NXPH1: variants seen among roughly 807,000 people sequenced by gnomAD.
NXPH1 encodes neurexophilin 1, also known as neurexophilin-1.
In NXPH1, 5 loss-of-function variants were observed where a neutral mutation model predicts 23.7. The observed-to-expected ratio is 0.21, with a 90% CI of 0.11 to 0.44. The LOEUF (loss-of-function observed/expected upper bound fraction) is 0.44. NXPH1 is among the 20% of genes least tolerant of loss of function. The pLI, the probability that NXPH1 is intolerant of heterozygous loss-of-function variation, is 0.99. For missense variants in NXPH1, 324 were observed against 321.6 expected, an observed-to-expected ratio of 1.01 and a Z score of -0.06; for synonymous variants, 144 against 122.2, an observed-to-expected ratio of 1.18 and a Z score of -1.18.
At chr7:8,484,040 A>G (rs1817118674) in intron 2 of NXPH1, among the ~76,000 whole-genome samples, 1 of 147,524 alleles carries the variant, frequency 6.8e-6, no homozygotes, top group Non-Finnish European at 1.5e-5. Context: ...CTGGGAAGCC[A>G]TTTGCTTCAG....
At chr7:8,589,672 G>T (rs1819051460) in intron 2 of NXPH1, among the ~76,000 whole-genome samples, 1 of 152,100 alleles carries the variant, frequency 6.6e-6, no homozygotes, top group Non-Finnish European at 1.5e-5. Flanking sequence ...AGAGAAGTTG[G>T]TGAATAAGTA....
chr7:8,632,119 T>C (rs4552797), intron 2 of NXPH1, among the ~76,000 whole-genome samples: 41,734 of 151,848 alleles, frequency 0.27, 6,162 homozygotes, highest in African/African-American at 0.35. Flanking sequence ...ATGGCTGTGG[T>C]AACTTGAAAA....
intron 2 of NXPH1, among the ~76,000 whole-genome samples, chr7:8,647,033 C>T (rs1820408656): frequency 6.6e-6 from 1 of 152,038 alleles, no homozygotes; most frequent in Non-Finnish European, 1.5e-5. Context: ...AACAGTCAGA[C>T]CCAGCTCCTA....
intron 2 of NXPH1, among the ~76,000 whole-genome samples, chr7:8,479,819 A>C (rs1421487829): frequency 6.6e-6 from 1 of 152,164 alleles, no homozygotes; most frequent in African/African-American, 2.4e-5. Context: ...TAATAATTGC[A>C]GTGGAATAAA....
intron 2 of NXPH1, among the ~76,000 whole-genome samples, chr7:8,498,223 T>C (rs961829535): frequency 3.9e-5 from 6 of 152,082 alleles, no homozygotes; most frequent in East Asian, 3.9e-4. Context: ...TGGGGTTTGC[T>C]GATCATTTAA....
At chr7:8,565,051 G>A (rs1210025832) in intron 2 of NXPH1, among the ~76,000 whole-genome samples, 3 of 151,738 alleles carry the variant, frequency 2.0e-5, no homozygotes, top group Non-Finnish European at 3.0e-5. Flanking sequence ...AGCTTTTGTT[G>A]AGAACTCTTT....
intron 2 of NXPH1, among the ~76,000 whole-genome samples, chr7:8,559,216 C>T (rs1818403971): frequency 6.6e-6 from 1 of 151,670 alleles, no homozygotes; most frequent in Non-Finnish European, 1.5e-5. Flanking sequence ...CCTCAGCCTT[C>T]CAAAGTGTTA....
At chr7:8,728,651 G>A in intron 2 of NXPH1, among the ~76,000 whole-genome samples, 2 of 151,242 alleles carry the variant, frequency 1.3e-5, no homozygotes, top group Non-Finnish European at 3.0e-5. Flanking sequence ...TTATTGATTT[G>A]CGTATATTGA....
chr7:8,491,612 G>A (rs1440585690), intron 2 of NXPH1, among the ~76,000 whole-genome samples: 1 of 151,954 alleles, frequency 6.6e-6, no homozygotes, highest in Non-Finnish European at 1.5e-5. Context: ...CATTCTGATG[G>A]TATTCATAAT....
At chr7:8,711,513 T>C (rs902002727) in intron 2 of NXPH1, among the ~76,000 whole-genome samples, 1 of 152,184 alleles carries the variant, frequency 6.6e-6, no homozygotes, top group African/African-American at 2.4e-5. Flanking sequence ...AGTTAAGTCA[T>C]GTTACAAGCA....
At chr7:8,731,269 C>A (rs909584291) in intron 2 of NXPH1, among the ~76,000 whole-genome samples, 4 of 152,016 alleles carry the variant, frequency 2.6e-5, no homozygotes, top group African/African-American at 7.3e-5. Flanking sequence ...TTTTCAACTT[C>A]TTTGCCTTTG....
chr7:8,634,887 C>T (rs1820195124), intron 2 of NXPH1, among the ~76,000 whole-genome samples: 1 of 152,050 alleles, frequency 6.6e-6, no homozygotes, highest in South Asian at 2.1e-4. Flanking sequence ...TGTTTCAACT[C>T]CTTCACAAGA....
chr7:8,650,738 C>T (rs923449011), intron 2 of NXPH1, among the ~76,000 whole-genome samples: 1 of 152,136 alleles, frequency 6.6e-6, no homozygotes, highest in African/African-American at 2.4e-5. Context: ...TTGTAATTCA[C>T]TTGTGTATAT....
intron 2 of NXPH1, among the ~76,000 whole-genome samples, chr7:8,670,517 G>A (rs562560192): frequency 2.3e-4 from 35 of 152,230 alleles, no homozygotes; most frequent in African/African-American, 5.5e-4. Flanking sequence ...ATGTAAACTC[G>A]TGCATCTTTT....
chr7:8,464,244 C>T (rs550196861), intron 2 of NXPH1, among the ~76,000 whole-genome samples: 12 of 152,282 alleles, frequency 7.9e-5, no homozygotes, highest in South Asian at 2.1e-4. Flanking sequence ...CCCCGTAAAA[C>T]CTTTTACCAA....
intron 2 of NXPH1, among the ~76,000 whole-genome samples, chr7:8,576,812 C>T (rs1404342293): frequency 1.3e-5 from 2 of 152,074 alleles, no homozygotes; most frequent in African/African-American, 4.8e-5. Flanking sequence ...TTGCTTTTCT[C>T]TTGAGTTCAT....
chr7:8,631,588 G>C (rs1341813406), intron 2 of NXPH1, among the ~76,000 whole-genome samples: 2 of 152,020 alleles, frequency 1.3e-5, no homozygotes, highest in African/African-American at 4.8e-5. Flanking sequence ...CTAATAATAG[G>C]ATTAGCACTT....
In NXPH1 at chr7:8,447,299, A is replaced by G. The variant is rs142052945; in HGVS notation, c.54+11532A>G. 3.9e-3 allele frequency among the ~76,000 whole-genome samples: 601 copies of G among 152,282 alleles called. 5 individuals carry two copies. Among genetic ancestry groups the G allele is most frequent in the African/African-American group, 0.014 (568 of 41,530 alleles). ...TAGTTTCTTTCACCAGGGCACCATC[A>G]TTTACTGTGTTAGAGAATTAAATGC... On this transcript the variant is annotated intron_variant, in intron 2 of 2. Coordinates refer to ENST00000405863, the MANE Select transcript of NXPH1 (RefSeq NM_152745.3).
At chr7:8,613,050 GT>G (rs1437107382) in intron 2 of NXPH1, among the ~76,000 whole-genome samples, 1 of 151,822 alleles carries the variant, frequency 6.6e-6, no homozygotes, top group African/African-American at 2.4e-5. Flanking sequence ...GGATATGTGT[GT>G]TTTTACTTAT....
Sources: gnomAD v4.1 joint callset for allele counts (sites outside exome capture counted in the v4.1 genomes callset) on GRCh38, gnomAD v4.1.1 for gene constraint, MANE v1.5 for transcripts, NCBI Gene and HGNC (gene_info 2026-07-23, HGNC 2026-07-21) for gene names.